Variants in CDC42BPA observed in about 807,000 individuals in gnomAD.
CDC42BPA encodes the protein CDC42 binding protein kinase alpha.
Under a neutral mutation model 223.5 loss-of-function variants are expected in CDC42BPA, and 80 were observed. That is an observed-to-expected ratio of 0.36 (90% CI 0.30 to 0.43). The LOEUF is 0.43. Among genes scored for constraint, CDC42BPA ranks in the 20% least tolerant of loss-of-function variants. CDC42BPA has a pLI of 1.00. For synonymous variants in CDC42BPA, 694 were observed against 718.6 expected (o/e 0.97, Z 0.55); for missense variants, 1,743 against 2,099.9 (o/e 0.83, Z 3.32).
At chr1:227,289,595 T>C (rs1243828203) in intron 1 of CDC42BPA, among the ~76,000 whole-genome samples, 3 of 152,176 alleles carry the variant, frequency 2.0e-5, no homozygotes, top group African/African-American at 4.8e-5. Context: ...GTAAGCTCCA[T>C]GAGAGCAGAA....
At chr1:227,100,954 G>A (rs2104863) in intron 15 of CDC42BPA, 38 bp downstream of exon 15, 1,017,671 of 1,250,268 alleles carry the variant, frequency 0.81, 414,860 homozygotes, top group East Asian at 0.89. Flanking sequence ...CAGGTACTCA[G>A]TAAGTATTTA....
chr1:227,287,265 ACTG>A (rs1440410375), intron 1 of CDC42BPA, among the ~76,000 whole-genome samples: 2 of 152,160 alleles, frequency 1.3e-5, no homozygotes, highest in Admixed American at 6.5e-5. Context: ...CAGACCTGAG[ACTG>A]CTATTTCTTA....
At chr1:227,153,394 T>C (rs1372784468) in intron 6 of CDC42BPA, among the ~76,000 whole-genome samples, 1 of 151,816 alleles carries the variant, frequency 6.6e-6, no homozygotes, top group Non-Finnish European at 1.5e-5. Flanking sequence ...AACAAATAAA[T>C]ATAATACTAT....
At chr1:227,070,436 T>C (rs1378644839) in intron 20 of CDC42BPA, among the ~76,000 whole-genome samples, 2 of 151,800 alleles carry the variant, frequency 1.3e-5, no homozygotes, top group Admixed American at 1.3e-4. Flanking sequence ...GGCATTAACT[T>C]TAAATGCACA....
intron 14 of CDC42BPA, among the ~76,000 whole-genome samples, chr1:227,105,321 C>T (rs1486733429): frequency 1.3e-5 from 2 of 149,790 alleles, no homozygotes; most frequent in Non-Finnish European, 3.0e-5. Flanking sequence ...CTGGTAACCT[C>T]TATTCTACTT....
At chr1:227,311,951 T>C (rs1333854010) in intron 1 of CDC42BPA, among the ~76,000 whole-genome samples, 3 of 152,146 alleles carry the variant, frequency 2.0e-5, no homozygotes, top group Non-Finnish European at 4.4e-5. Context: ...TGTGTCCTTT[T>C]TGAAAAAATG....
At chr1:227,075,270 G>A (rs1476004472) in intron 17 of CDC42BPA, among the ~76,000 whole-genome samples, 3 of 152,174 alleles carry the variant, frequency 2.0e-5, no homozygotes, top group Non-Finnish European at 4.4e-5. Context: ...TAAAATCCAG[G>A]TCACTGAAGC....
intron 5 of CDC42BPA, among the ~76,000 whole-genome samples, chr1:227,169,622 T>C (rs1485597361): frequency 6.6e-6 from 1 of 152,178 alleles, no homozygotes; most frequent in Non-Finnish European, 1.5e-5. Context: ...AGAGTTCTTC[T>C]ACTTATCTTC....
intron 31 of CDC42BPA, 84 bp from the exon 32 acceptor site, chr1:227,023,431 C>T (rs1419753467): frequency 3.3e-6 from 2 of 604,604 alleles, no homozygotes; most frequent in Non-Finnish European, 5.5e-6. Context: ...TAAAGCACAC[C>T]TTATTAAGAC....
chr1:227,052,821 G>T (rs1171211540), intron 21 of CDC42BPA, among the ~76,000 whole-genome samples: 1 of 152,012 alleles, frequency 6.6e-6, no homozygotes, highest in Non-Finnish European at 1.5e-5. Context: ...TCTTACTATG[G>T]CTATATTTTA....
intron 2 of CDC42BPA, among the ~76,000 whole-genome samples, chr1:227,226,134 A>C (rs949498598): frequency 6.6e-6 from 1 of 152,182 alleles, no homozygotes; most frequent in Non-Finnish European, 1.5e-5. Flanking sequence ...TCCTCTTGCA[A>C]TTGGCCTGGA....
intron 32 of CDC42BPA, among the ~76,000 whole-genome samples, chr1:227,018,212 C>A (rs750847634): frequency 3.4e-4 from 51 of 151,876 alleles, no homozygotes; most frequent in Non-Finnish European, 5.4e-4. Flanking sequence ...CCATGCCCAG[C>A]CAAAGAACAG....
chr1:227,285,412 A>G (rs1351936900), intron 1 of CDC42BPA, among the ~76,000 whole-genome samples: 2 of 152,188 alleles, frequency 1.3e-5, no homozygotes, highest in East Asian at 3.9e-4. Context: ...GTAATTATTT[A>G]ATAACCACAA....
rs147853778 is a variant in CDC42BPA at position 227,282,019 on chromosome 1, G to A, written c.179-27864C>T. Among the ~76,000 whole-genome samples the A allele has an allele frequency of 4.1e-4, 63 of 152,044 alleles. 1 individual carries two copies. In the East Asian group the frequency reaches 8.1e-3, roughly 20 times the overall value. Reference sequence around the variant, plus strand: ...AGCCTGACCAACATGGAGAAACCCCGTCTCTACTAAAAATACAAAATTAGC... The same window carrying A: ...AGCCTGACCAACATGGAGAAACCCCATCTCTACTAAAAATACAAAATTAGC... On this transcript the variant is annotated intron_variant, in intron 1 of 36. Transcript: ENST00000366766.
intron 23 of CDC42BPA, among the ~76,000 whole-genome samples, chr1:227,045,470 T>C (rs1331930450): frequency 3.3e-5 from 5 of 152,196 alleles, no homozygotes; most frequent in African/African-American, 9.6e-5. Context: ...CTAGTGCTAG[T>C]AGGCACTGAT....
chr1:227,066,106 T>C (rs73091774), intron 21 of CDC42BPA, among the ~76,000 whole-genome samples: 23,494 of 152,064 alleles, frequency 0.15, 2,203 homozygotes, highest in African/African-American at 0.25. Flanking sequence ...AGAATCCAAG[T>C]GCAGCCGGGC....
intron 1 of CDC42BPA, among the ~76,000 whole-genome samples, chr1:227,296,535 G>GC (rs938386070): frequency 1.3e-5 from 2 of 151,698 alleles, no homozygotes; most frequent in Non-Finnish European, 2.9e-5. Flanking sequence ...GTGAAACCCC[G>GC]CATCTACTAA....
At chr1:227,009,869 T>C (rs1664829377) in intron 34 of CDC42BPA, among the ~76,000 whole-genome samples, 1 of 152,160 alleles carries the variant, frequency 6.6e-6, no homozygotes, top group South Asian at 2.1e-4. Context: ...TTTAAAACAT[T>C]ATAATTTAGA....
intron 2 of CDC42BPA, among the ~76,000 whole-genome samples, chr1:227,224,460 G>A (rs1410356342): frequency 1.3e-5 from 2 of 151,994 alleles, no homozygotes; most frequent in African/African-American, 2.4e-5. Flanking sequence ...TCGAACTCCT[G>A]ACCTCAGGTG....
Sources: gnomAD v4.1 joint callset for allele counts (sites outside exome capture counted in the v4.1 genomes callset) on GRCh38, gnomAD v4.1.1 for gene constraint, MANE v1.5 for transcripts, NCBI Gene and HGNC (gene_info 2026-07-23, HGNC 2026-07-21) for gene names.